The following SRPK2 variants were observed in gnomAD, a reference collection of about 807,000 sequenced individuals.
The protein encoded by SRPK2 is SRSF protein kinase 2.
A neutral mutation model predicts 90.8 loss-of-function variants in SRPK2; 21 were observed. The observed-to-expected ratio is 0.23, with a 90% CI of 0.16 to 0.33. SRPK2 has a LOEUF of 0.33. SRPK2 is among the 10% of genes least tolerant of loss of function. The probability of loss-of-function intolerance (pLI) is 1.00; values close to 1 mark genes in which losing one functional copy is unlikely to be tolerated. For missense variants in SRPK2, 620 were observed against 869.0 expected, an observed-to-expected ratio of 0.71 and a Z score of 3.60; for synonymous variants, 288 against 311.1, an observed-to-expected ratio of 0.93 and a Z score of 0.78.
intron 2 of SRPK2, among the ~76,000 whole-genome samples, chr7:105,347,135 C>T (rs1267398417): frequency 2.0e-5 from 3 of 151,310 alleles, no homozygotes; most frequent in Admixed American, 6.6e-5. Context: ...TCATGGCTCA[C>T]TGAAACCTCC....
At chr7:105,323,976 TG>T (rs1813240151) in intron 2 of SRPK2, among the ~76,000 whole-genome samples, 2 of 62,492 alleles carry the variant, frequency 3.2e-5, no homozygotes, top group Admixed American at 3.6e-4. Flanking sequence ...TTTGTGTGTG[TG>T]TGTGTGTGTG....
At chr7:105,376,804 C>G (rs1348108822) in intron 2 of SRPK2, among the ~76,000 whole-genome samples, 2 of 150,738 alleles carry the variant, frequency 1.3e-5, no homozygotes, top group Non-Finnish European at 3.0e-5. Context: ...TACCAAAGTG[C>G]TAGGATTACA....
rs547389460 is a variant in SRPK2 at position 105,212,681 on chromosome 7, T to TA, written c.72-8897dup. On this transcript the variant is annotated intron_variant, in intron 2 of 15. Transcript: ENST00000393651. ...GCTTTCTGCAAAAAACATATGAAAT[T>TA]AGAGTGTAGAACAGGTAGAAAGGAT... 3.0e-3 allele frequency among the ~76,000 whole-genome samples: 452 copies of TA among 152,128 alleles called. 4 individuals carry two copies. Among genetic ancestry groups the TA allele is most frequent in the African/African-American group, 0.011 (438 of 41,484 alleles).
chr7:105,205,527 ACACACACACAC>A (rs1796112595), intron 2 of SRPK2, among the ~76,000 whole-genome samples: 1 of 32,592 alleles, frequency 3.1e-5, no homozygotes, highest in Admixed American at 3.4e-4. Context: ...TCACACACAC[ACACACACACAC>A]ACACACACAC....
At chr7:105,313,577 C>T (rs1811970773) in intron 2 of SRPK2, among the ~76,000 whole-genome samples, 1 of 152,070 alleles carries the variant, frequency 6.6e-6, no homozygotes, top group South Asian at 2.1e-4. Context: ...CAGTGAAACC[C>T]CATCTCTACT....
intron 2 of SRPK2, among the ~76,000 whole-genome samples, chr7:105,253,263 A>G (rs1802739199): frequency 6.6e-6 from 1 of 152,188 alleles, no homozygotes; most frequent in South Asian, 2.1e-4. Flanking sequence ...ACCAATTTCC[A>G]GAACAGATGA....
intron 2 of SRPK2, among the ~76,000 whole-genome samples, chr7:105,332,225 G>A (rs1648214681): frequency 6.6e-6 from 1 of 152,134 alleles, no homozygotes; most frequent in Non-Finnish European, 1.5e-5. Flanking sequence ...AACAAAACGT[G>A]AAGCCAAAAG....
chr7:105,289,629 G>A (rs1808682326), intron 2 of SRPK2, among the ~76,000 whole-genome samples: 1 of 152,142 alleles, frequency 6.6e-6, no homozygotes, highest in Non-Finnish European at 1.5e-5. Flanking sequence ...TTATTCACTG[G>A]TTGATATTCT....
chr7:105,254,462 C>T (rs1223668107), intron 2 of SRPK2, among the ~76,000 whole-genome samples: 1 of 152,182 alleles, frequency 6.6e-6, no homozygotes, highest in Non-Finnish European at 1.5e-5. Flanking sequence ...ATTTCTAAGA[C>T]TCAATCAATA....
At position 105,117,491 on chromosome 7, in the gene SRPK2, C is replaced by A; in HGVS notation, c.*347G>T. The A allele has an allele frequency of 3.8e-6, 1 of 262,376 alleles. No homozygotes were observed. Among genetic ancestry groups the A allele is most frequent in the Non-Finnish European group, 7.3e-6 (1 of 136,674 alleles). The allele number at this position is 262,376 out of a possible 1,614,324, so 16.3% of individuals were successfully genotyped here. A position where few individuals can be genotyped will look rare whatever the true frequency, so the allele number is the denominator to read the frequency against. On this transcript the variant is annotated 3_prime_UTR_variant, in exon 16 of 16. Transcript: ENST00000393651. Reference sequence around the variant, plus strand: ...TATATAGTACTCAGCTAAAATATTTCTTCATAAATAGTTACAAAACCTGCC... The same window carrying A: ...TATATAGTACTCAGCTAAAATATTTATTCATAAATAGTTACAAAACCTGCC...
intron 3 of SRPK2, among the ~76,000 whole-genome samples, chr7:105,174,067 A>G (rs2129591933): frequency 6.8e-6 from 1 of 147,268 alleles, no homozygotes; most frequent in East Asian, 2.0e-4. Flanking sequence ...CAGTACAGTG[A>G]GACCCTGTCT....
At chr7:105,389,009 G>T, upstream of SRPK2, 1 of 912,870 alleles carries the variant, frequency 1.1e-6, no homozygotes, top group Non-Finnish European at 1.2e-6. Context: ...CCACCCGCCG[G>T]CCCCGGGGGT....
chr7:105,140,615 A>G (rs528030419), intron 11 of SRPK2, among the ~76,000 whole-genome samples: 2 of 152,028 alleles, frequency 1.3e-5, no homozygotes, highest in Admixed American at 1.3e-4. Context: ...ATAAATAAAT[A>G]AATGAATGAA....
chr7:105,283,062 T>C (rs1162806215), intron 2 of SRPK2, among the ~76,000 whole-genome samples: 1 of 152,182 alleles, frequency 6.6e-6, no homozygotes, highest in Non-Finnish European at 1.5e-5. Context: ...TCATTTGTCA[T>C]CACACAGAAA....
At chr7:105,324,353 C>T (rs910881701) in intron 2 of SRPK2, among the ~76,000 whole-genome samples, 14 of 151,326 alleles carry the variant, frequency 9.3e-5, no homozygotes, top group Middle Eastern at 3.4e-3. Flanking sequence ...GATGGAGTCT[C>T]GCCCTGTCGC....
At position 105,285,105 on chromosome 7, in the gene SRPK2, GC is replaced by G. The variant is rs1216016003; in HGVS notation, c.72-81321del. ...CCAATCACACTGAAACAGTATTTTG[GC>G]CAGGTGCTGTGGCTCCAGCCTGTAA... On this transcript the variant is annotated intron_variant, in intron 2 of 15. Transcript: ENST00000393651. Among the ~76,000 whole-genome samples, 4 of 152,212 alleles carry G rather than the reference GC, an allele frequency of 2.6e-5. No homozygotes were observed. In the East Asian group the frequency reaches 7.7e-4, roughly 29 times the overall value.
At chr7:105,294,746 G>A (rs1260251122) in intron 2 of SRPK2, among the ~76,000 whole-genome samples, 2 of 152,028 alleles carry the variant, frequency 1.3e-5, no homozygotes, top group South Asian at 4.2e-4. Flanking sequence ...GACTGGTAAC[G>A]AACTCCTGAC....
chr7:105,133,109 C>T lies in SRPK2; in HGVS notation c.1544-5G>A. 6.2e-7 allele frequency: 1 copy of T among 1,613,880 alleles called. No homozygotes were observed. Among genetic ancestry groups the T allele is most frequent in the Non-Finnish European group, 8.5e-7 (1 of 1,179,766 alleles). ...AGTCAGCTGCCCGGGTTTTTGCTGG[C>T]ATGAGCAAACAGCAGGACAGTTAGT... On this transcript the variant is annotated splice_polypyrimidine_tract_variant and splice_region_variant and intron_variant, in intron 11 of 15. Transcript: ENST00000393651.
At chr7:105,279,529 A>C (rs1444683055) in intron 2 of SRPK2, among the ~76,000 whole-genome samples, 6 of 152,172 alleles carry the variant, frequency 3.9e-5, no homozygotes, top group African/African-American at 1.4e-4. Flanking sequence ...GCCAACAAGC[A>C]AGAAGACAGA....
Sources: gnomAD v4.1 joint callset for allele counts (sites outside exome capture counted in the v4.1 genomes callset) on GRCh38, gnomAD v4.1.1 for gene constraint, MANE v1.5 for transcripts, NCBI Gene and HGNC (gene_info 2026-07-23, HGNC 2026-07-21) for gene names.